The following APP variants were observed in gnomAD, a reference collection of about 807,000 sequenced individuals.
APP encodes amyloid-beta precursor protein.
In APP, 31 loss-of-function variants were observed where a neutral mutation model predicts 101.4. The ratio of observed to expected loss-of-function variants is 0.31; its 90% confidence interval spans 0.23 to 0.41. The LOEUF (loss-of-function observed/expected upper bound fraction) is 0.41. APP is among the 10% of genes least tolerant of loss of function. The pLI is 1.00. For missense variants in APP, 839 were observed against 1,003.7 expected, an observed-to-expected ratio of 0.84 and a Z score of 2.22; for synonymous variants, 366 against 364.4, an observed-to-expected ratio of 1.00 and a Z score of -0.05.
rs928743563 is a variant in APP, at chr21:25,955,825, T to A, written c.1459-70A>T. The A allele has an allele frequency of 1.8e-5, 29 of 1,608,780 alleles. No homozygotes were observed. The African/African-American group carries it at 3.1e-4, about 17-fold the overall frequency. On this transcript the variant is annotated intron_variant, in intron 11 of 17. Coordinates refer to ENST00000346798, the MANE Select transcript of APP (RefSeq NM_000484.4). ...CACTGCTTCTTCCATTGGCGATGGGTTAGAGGTTCCACTAATGCATCCGGT... is the reference window on the plus strand; with the variant it reads ...CACTGCTTCTTCCATTGGCGATGGGATAGAGGTTCCACTAATGCATCCGGT...
chr21:26,014,249 G>C (rs926838368), intron 6 of APP, among the ~76,000 whole-genome samples: 4 of 152,234 alleles, frequency 2.6e-5, no homozygotes, highest in East Asian at 1.9e-4. Flanking sequence ...AAGCTTTGTG[G>C]AGAGTTAAAT....
chr21:25,896,511 C>T lies in APP; in HGVS notation c.2064+1062G>A, dbSNP rs543234799. Among the ~76,000 whole-genome samples the T allele has an allele frequency of 5.3e-5, 8 of 152,174 alleles. No homozygotes were observed. The South Asian group carries it at 6.2e-4, about 12-fold the overall frequency. ...GAAATTTTCTTACCATTTTTCTGTCCACCACTGAATGTGATAAAATTGTCG... is the reference window on the plus strand; with the variant it reads ...GAAATTTTCTTACCATTTTTCTGTCTACCACTGAATGTGATAAAATTGTCG... On this transcript the variant is annotated intron_variant, in intron 16 of 17. Transcript: ENST00000346798.
chr21:25,954,754 CT>C (rs2041240085), intron 12 of APP, 65 bp from the exon 13 acceptor site: 4 of 1,370,534 alleles, frequency 2.9e-6, no homozygotes, highest in African/African-American at 2.9e-5. Context: ...CTTTTTCTTT[CT>C]TTTTTTCTTT....
chr21:25,918,556 T>A (rs532975958), intron 13 of APP, among the ~76,000 whole-genome samples: 1 of 151,936 alleles, frequency 6.6e-6, no homozygotes, highest in African/African-American at 2.4e-5. Context: ...GGGCGAGGCA[T>A]TGCCTCACCT....
At chr21:26,100,744 A>G (rs2062036924) in intron 2 of APP, among the ~76,000 whole-genome samples, 1 of 140,902 alleles carries the variant, frequency 7.1e-6, no homozygotes, top group South Asian at 2.3e-4. Flanking sequence ...CTGTTAATCT[A>G]TAGATTAAGC....
chr21:25,926,085 TATC>T (rs761021342), intron 13 of APP, among the ~76,000 whole-genome samples: 37 of 152,354 alleles, frequency 2.4e-4, no homozygotes, highest in Middle Eastern at 3.4e-3. Context: ...TGAAGTTTCT[TATC>T]ATCAGGGTCA....
Position 25,897,592 on chromosome 21 carries a change from T to G in APP, c.2045A>C (p.Glu682Ala). 6.2e-7 allele frequency: 1 copy of G among 1,613,570 alleles called. No homozygotes were observed. The highest frequency in any genetic ancestry group is 2.2e-5 in the East Asian group (1 of 44,858). Residue 682 changes from glutamate to alanine, a missense_variant, in exon 16 of 18, where the codon GAA becomes GCA. By Grantham distance (107) the Glu-to-Ala change is moderately radical (BLOSUM62 -1). Transcript: ENST00000346798. Reference protein sequence around the residue: ...DAEFRHDSGYEVHHQKLVFFA... With the variant: ...DAEFRHDSGYAVHHQKLVFFA... ...ACGTACCAATTTTTGATGATGAACT[T>G]CATATCCTGAGTCATGTCGGAATTC... is the stretch of plus-strand genomic sequence containing the variant.
In APP at chr21:25,929,428, G is replaced by A. The variant is rs975183153; in HGVS notation, c.1688-17466C>T. Among the ~76,000 whole-genome samples the A allele has an allele frequency of 9.9e-5, 15 of 151,834 alleles. No homozygotes were observed. The South Asian group carries it at 1.5e-3, about 15-fold the overall frequency. On this transcript the variant is annotated intron_variant, in intron 13 of 17. Coordinates refer to ENST00000346798, the MANE Select transcript of APP (RefSeq NM_000484.4). ...GTTTTATTCTTACAGCATTATTTTC[G>A]TCTCTTTATCACTTTACTATGCAAT...
At chr21:26,111,280 GTAAAATTAA>G (rs2062316255) in intron 2 of APP, among the ~76,000 whole-genome samples, 1 of 151,948 alleles carries the variant, frequency 6.6e-6, no homozygotes, top group South Asian at 2.1e-4. Context: ...TAGTCAAAAA[GTAAAATTAA>G]TAAGGGAGGA....
intron 13 of APP, among the ~76,000 whole-genome samples, chr21:25,937,124 TC>T (rs1360173847): frequency 6.6e-6 from 1 of 152,164 alleles, no homozygotes. Context: ...CTATCTTGCT[TC>T]ATTACAGGCA....
intron 15 of APP, among the ~76,000 whole-genome samples, chr21:25,898,636 C>T (rs1418681857): frequency 6.6e-6 from 1 of 152,190 alleles, no homozygotes; most frequent in Non-Finnish European, 1.5e-5. Context: ...CCTGCCCAAA[C>T]TGTCCTTTTT....
intron 1 of APP, chr21:26,140,064 C>G (rs2146305505): frequency 9.7e-7 from 1 of 1,033,910 alleles, no homozygotes; most frequent in East Asian, 2.6e-5. Flanking sequence ...TAACATTGTA[C>G]TTTTGAAAGA....
At chr21:26,065,411 G>T (rs1212862293) in intron 3 of APP, among the ~76,000 whole-genome samples, 1 of 152,150 alleles carries the variant, frequency 6.6e-6, no homozygotes, top group Non-Finnish European at 1.5e-5. Flanking sequence ...ACTAGACAGC[G>T]CTTGGTTTGA....
At chr21:26,164,003 T>C (rs2063554044) in intron 1 of APP, among the ~76,000 whole-genome samples, 2 of 152,310 alleles carry the variant, frequency 1.3e-5, no homozygotes, top group African/African-American at 4.8e-5. Flanking sequence ...TCGCAGCACT[T>C]TGGGAGGCCG....
At chr21:26,122,462 A>G (rs1334803519) in intron 1 of APP, among the ~76,000 whole-genome samples, 3 of 152,168 alleles carry the variant, frequency 2.0e-5, no homozygotes, top group Admixed American at 2.0e-4. Flanking sequence ...CTATCGGGGG[A>G]TAAGGAGAGT....
At chr21:26,035,507 T>G (rs185467341) in intron 5 of APP, among the ~76,000 whole-genome samples, 55 of 152,216 alleles carry the variant, frequency 3.6e-4, no homozygotes, top group African/African-American at 1.2e-3. Context: ...GTAAGGAATG[T>G]AGGAGGTCAA....
intron 3 of APP, chr21:26,068,005 T>A (rs1000434073): frequency 5.3e-5 from 8 of 151,844 alleles, no homozygotes; most frequent in African/African-American, 1.7e-4. Flanking sequence ...AAAAACCACA[T>A]AATTGCCGAC....
chr21:26,075,318 G>A (rs889700912), intron 3 of APP, among the ~76,000 whole-genome samples: 2 of 152,150 alleles, frequency 1.3e-5, no homozygotes, highest in South Asian at 2.1e-4. Context: ...TTTGAGCACC[G>A]CAGGAAAGGG....
chr21:26,021,151 A>G (rs903007261), intron 6 of APP, among the ~76,000 whole-genome samples: 3 of 150,582 alleles, frequency 2.0e-5, no homozygotes, highest in African/African-American at 7.4e-5. Context: ...GGGTTCAAGC[A>G]ATTCTCCTGT....
Sources: gnomAD v4.1 joint callset for allele counts (sites outside exome capture counted in the v4.1 genomes callset) on GRCh38, gnomAD v4.1.1 for gene constraint, MANE v1.5 for transcripts, NCBI Gene and HGNC (gene_info 2026-07-23, HGNC 2026-07-21) for gene names.